The following AFAP1 variants were observed in gnomAD, a reference collection of about 807,000 sequenced individuals.
AFAP1 encodes the protein actin filament associated protein 1, also known as actin filament-associated protein 1.
In AFAP1, 75 loss-of-function variants were observed where a neutral mutation model predicts 93.9. The ratio of observed to expected loss-of-function variants is 0.80; its 90% confidence interval spans 0.66 to 0.97. The LOEUF (loss-of-function observed/expected upper bound fraction) is 0.97, where lower values mean the gene tolerates loss of function less well. AFAP1 is among the 50% of genes least tolerant of loss of function. The probability of loss-of-function intolerance (pLI) is 0.00; values close to 1 mark genes in which losing one functional copy is unlikely to be tolerated. For synonymous variants in AFAP1, 517 were observed against 430.7 expected (o/e 1.20, Z -2.48); for missense variants, 1,201 against 1,050.8 (o/e 1.14, Z -1.98).
At chr4:7,798,857 T>A in intron 10 of AFAP1, 1 of 980,366 alleles carries the variant, frequency 1.0e-6, no homozygotes, top group African/African-American at 1.8e-5. Context: ...CTTCTCTGTC[T>A]GGGCACTTGC....
rs578089933 is a variant in AFAP1 at position 7,763,662 on chromosome 4, G to C, written c.*103C>G. ...GCTCAGTCGTGGAGCCTCTGGAGTC[G>C]TGCAGCTGAGGCCACTCTGGGCAGA... On this transcript the variant is annotated 3_prime_UTR_variant, in exon 18 of 18. Transcript: ENST00000420658. The C allele has an allele frequency of 1.4e-6, 2 of 1,408,516 alleles. No individual in the cohort carries two copies. The highest frequency in any genetic ancestry group is 2.0e-6 in the Non-Finnish European group (2 of 1,019,500). The allele number at this position is 1,408,516 out of a possible 1,614,324, so 87.3% of individuals were successfully genotyped here. A position where few individuals can be genotyped will look rare whatever the true frequency, so the allele number is the denominator to read the frequency against.
At chr4:7,841,866 A>AG (rs1489554319) in intron 5 of AFAP1, among the ~76,000 whole-genome samples, 1 of 128,678 alleles carries the variant, frequency 7.8e-6, no homozygotes, top group Admixed American at 8.1e-5. Flanking sequence ...AAAGCAGGGG[A>AG]GGGGGGAAGA....
chr4:7,910,583 G>C (rs779145158), intron 1 of AFAP1, among the ~76,000 whole-genome samples: 1 of 152,180 alleles, frequency 6.6e-6, no homozygotes, highest in African/African-American at 2.4e-5. Context: ...CTACACTCAC[G>C]GATTCTGCTC....
intron 3 of AFAP1, among the ~76,000 whole-genome samples, chr4:7,863,664 T>G (rs1412625413): frequency 6.6e-6 from 1 of 152,066 alleles, no homozygotes; most frequent in East Asian, 1.9e-4. Flanking sequence ...ATTAGCCAGG[T>G]GGAAAGACGC....
intron 16 of AFAP1, among the ~76,000 whole-genome samples, chr4:7,770,235 G>A (rs971377132): frequency 2.6e-5 from 4 of 152,180 alleles, no homozygotes; most frequent in African/African-American, 9.6e-5. Context: ...GAAGCGAGGC[G>A]GGGGGTGGCA....
intron 1 of AFAP1, among the ~76,000 whole-genome samples, chr4:7,877,010 C>A (rs944767662): frequency 2.0e-5 from 3 of 152,198 alleles, no homozygotes; most frequent in Admixed American, 6.5e-5. Context: ...CCAGTTGGCT[C>A]CCCCTCACTG....
At chr4:7,927,236 C>T (rs531380433) in intron 1 of AFAP1, among the ~76,000 whole-genome samples, 2 of 152,302 alleles carry the variant, frequency 1.3e-5, no homozygotes, top group East Asian at 1.9e-4. Flanking sequence ...CCATATCAGA[C>T]GCAAGGCTTG....
intron 1 of AFAP1, among the ~76,000 whole-genome samples, chr4:7,893,205 G>C (rs796144203): frequency 8.5e-5 from 13 of 152,262 alleles, no homozygotes; most frequent in African/African-American, 3.1e-4. Flanking sequence ...AAATCATGTT[G>C]AATCATGACT....
rs1227203501 is a variant in AFAP1 at position 7,793,789 on chromosome 4, A to C, written c.1304T>G (p.Ile435Ser). The C allele has an allele frequency of 6.4e-7, 1 of 1,562,558 alleles. No individual in the cohort carries two copies. The highest frequency in any genetic ancestry group is 1.3e-5 in the African/African-American group (1 of 74,310). Residue 435 changes from isoleucine to serine, a missense_variant, in exon 11 of 18, where the codon ATT becomes AGT. Coordinates refer to ENST00000420658, the MANE Select transcript of AFAP1 (RefSeq NM_001134647.2). ...SSEDMGRWIG[I>S]LLAETGSSTD... ...GGACGATCCCGTCTCTGCGAGTAAA[A>C]TCCCAATCCACCTGCCCATGTCTTC... is the stretch of plus-strand genomic sequence containing the variant.
chr4:7,796,246 G>C (rs1279873635), intron 10 of AFAP1, among the ~76,000 whole-genome samples: 1 of 152,130 alleles, frequency 6.6e-6, no homozygotes, highest in Non-Finnish European at 1.5e-5. Flanking sequence ...TCCAGGTCTG[G>C]AGCAGGGAAA....
intron 1 of AFAP1, among the ~76,000 whole-genome samples, chr4:7,898,853 T>C (rs1240538938): frequency 8.0e-6 from 1 of 124,940 alleles, no homozygotes; most frequent in Non-Finnish European, 1.7e-5. Flanking sequence ...TTCATATATA[T>C]GTATGTGTAT....
At chr4:7,840,270 G>GTGTGTGTGCA (rs1250500771) in intron 5 of AFAP1, among the ~76,000 whole-genome samples, 12 of 124,148 alleles carry the variant, frequency 9.7e-5, no homozygotes, top group African/African-American at 4.3e-4. Context: ...GGATGTGTGT[G>GTGTGTGTGCA]TGTGTGTGTG....
chr4:7,827,261 T>C (rs1019695097), intron 6 of AFAP1, among the ~76,000 whole-genome samples: 8 of 151,874 alleles, frequency 5.3e-5, no homozygotes, highest in African/African-American at 1.9e-4. Flanking sequence ...CCAACATACC[T>C]ACAGATGCAA....
Position 7,778,829 on chromosome 4 carries a change from T to A in AFAP1, c.1830A>T (p.Lys610Asn), listed in dbSNP as rs1716433270. Residue 610 changes from lysine to asparagine, a missense_variant, in exon 14 of 18, where the codon AAA becomes AAT. Lys to Asn is a moderately conservative substitution (Grantham distance 94, BLOSUM62 0). Transcript: ENST00000420658. ...TTGGCTGACTGCTCAGAGTCTTCCCTTTTCCTGTGACCCCATTAGACGCCA... is the reference window on the plus strand; with the variant it reads ...TTGGCTGACTGCTCAGAGTCTTCCCATTTCCTGTGACCCCATTAGACGCCA... ...PPVASNGVTG[K>N]GKTLSSQPKK... is the part of the protein sequence containing the mutation. The A allele has an allele frequency of 6.2e-7, 1 of 1,614,024 alleles. No individual in the cohort carries two copies. The highest frequency in any genetic ancestry group is 1.3e-5 in the African/African-American group (1 of 74,932).
intron 6 of AFAP1, among the ~76,000 whole-genome samples, chr4:7,827,201 G>C (rs374578824): frequency 6.6e-6 from 1 of 152,054 alleles, no homozygotes; most frequent in Non-Finnish European, 1.5e-5. Flanking sequence ...CGGAAGGAGT[G>C]AAGGAAACCA....
At chr4:7,891,088 A>C (rs75603065) in intron 1 of AFAP1, among the ~76,000 whole-genome samples, 2 of 148,746 alleles carry the variant, frequency 1.3e-5, no homozygotes, top group African/African-American at 2.5e-5. Context: ...ATAAATTACC[A>C]AAAAAAAAAA....
At chr4:7,772,742 C>T in intron 16 of AFAP1, 78 bp downstream of exon 16, 1 of 1,412,492 alleles carries the variant, frequency 7.1e-7, no homozygotes, top group Non-Finnish European at 9.7e-7. Flanking sequence ...AGAGCCACTC[C>T]ACATTCTCTC....
At chr4:7,826,262 C>A (rs1018189820) in intron 6 of AFAP1, among the ~76,000 whole-genome samples, 13 of 152,228 alleles carry the variant, frequency 8.5e-5, no homozygotes, top group African/African-American at 3.1e-4. Context: ...TATGCAGGTA[C>A]AGAACAGAAG....
At chr4:7,798,360 T>TCTACTGGCTGGCTCACGGCATTGCAACC (rs1718677155) in intron 10 of AFAP1, among the ~76,000 whole-genome samples, 1 of 108,554 alleles carries the variant, frequency 9.2e-6, no homozygotes, top group Non-Finnish European at 1.9e-5. Context: ...GCACTGCAAC[T>TCTACTGGCTGGCTCACGGCATTGCAACC]CTATTGGCTG....
Sources: gnomAD v4.1 joint callset for allele counts (sites outside exome capture counted in the v4.1 genomes callset) on GRCh38, gnomAD v4.1.1 for gene constraint, MANE v1.5 for transcripts, NCBI Gene and HGNC (gene_info 2026-07-23, HGNC 2026-07-21) for gene names.